The following ELOVL2 variants were observed in gnomAD, a reference collection of about 807,000 sequenced individuals.
The protein encoded by ELOVL2 is ELOVL fatty acid elongase 2, also known as very long chain fatty acid elongase 2.
Under a neutral mutation model 37.7 loss-of-function variants are expected in ELOVL2, and 38 were observed. The observed-to-expected ratio is 1.01, with a 90% confidence interval of 0.78 to 1.32. ELOVL2 has a LOEUF of 1.32. Among genes scored for constraint, ELOVL2 ranks in the 40% most tolerant of loss-of-function variants. The probability of loss-of-function intolerance (pLI) is 0.00; values close to 1 mark genes in which losing one functional copy is unlikely to be tolerated. For synonymous variants in ELOVL2, 115 were observed against 122.3 expected (o/e 0.94, Z 0.40); for missense variants, 352 against 363.6 (o/e 0.97, Z 0.26).
chr6:11,043,890 G>C (rs540486139), intron 1 of ELOVL2: 17 of 234,610 alleles, frequency 7.2e-5, no homozygotes, highest in Non-Finnish European at 1.1e-4. Context: ...AAGGAGGGGC[G>C]GCTTCCTCGG....
chr6:11,005,294 G>T, intron 3 of ELOVL2, 78 bp downstream of exon 3: 1 of 1,287,992 alleles, frequency 7.8e-7, no homozygotes, highest in Non-Finnish European at 1.1e-6. Context: ...GCATAGTTCT[G>T]CCAGGCTAGA....
chr6:11,017,053 ATTG>A (rs1342481691), intron 1 of ELOVL2, among the ~76,000 whole-genome samples: 1 of 152,124 alleles, frequency 6.6e-6, no homozygotes, highest in Admixed American at 6.5e-5. Flanking sequence ...GGAACTCTAA[ATTG>A]TTATTATGTA....
At chr6:11,003,385 A>G (rs1029046293) in intron 3 of ELOVL2, among the ~76,000 whole-genome samples, 8 of 152,100 alleles carry the variant, frequency 5.3e-5, no homozygotes, top group African/African-American at 1.9e-4. Context: ...ACTCCCACTT[A>G]TAAGTGAGAA....
intron 1 of ELOVL2, among the ~76,000 whole-genome samples, chr6:11,022,494 C>A (rs986839333): frequency 3.9e-5 from 6 of 152,194 alleles, no homozygotes; most frequent in African/African-American, 1.4e-4. Flanking sequence ...CTTGAAAAAA[C>A]TCTCTGGGTA....
chr6:10,997,783 G>A (rs1446566614), intron 4 of ELOVL2, among the ~76,000 whole-genome samples: 1 of 152,184 alleles, frequency 6.6e-6, no homozygotes, highest in Non-Finnish European at 1.5e-5. Flanking sequence ...ATTTCCGGCT[G>A]TTCCACTGAT....
intron 7 of ELOVL2, among the ~76,000 whole-genome samples, chr6:10,988,098 T>G (rs144625458): frequency 2.3e-3 from 350 of 152,352 alleles, no homozygotes; most frequent in African/African-American, 7.8e-3. Flanking sequence ...TATTGGGAAG[T>G]TGGGGGCAGG....
intron 1 of ELOVL2, among the ~76,000 whole-genome samples, chr6:11,029,297 G>A (rs1203550285): frequency 6.7e-6 from 1 of 148,982 alleles, no homozygotes; most frequent in Non-Finnish European, 1.5e-5. Flanking sequence ...GGAGTTTTAC[G>A]CAGGTTCTAG....
chr6:11,033,752 T>C (rs900598506), intron 1 of ELOVL2, among the ~76,000 whole-genome samples: 8 of 152,188 alleles, frequency 5.3e-5, no homozygotes, highest in African/African-American at 1.9e-4. Flanking sequence ...TTTATCACTT[T>C]TTTTATCCTC....
chr6:10,985,097 T>C (rs2093777), intron 7 of ELOVL2, among the ~76,000 whole-genome samples: 73,332 of 151,922 alleles, frequency 0.48, 18,084 homozygotes, highest in East Asian at 0.71. Flanking sequence ...TTTGGATTTG[T>C]ATTTCTCTGA....
chr6:11,021,044 G>A (rs1239608204), intron 1 of ELOVL2, among the ~76,000 whole-genome samples: 1 of 152,160 alleles, frequency 6.6e-6, no homozygotes, highest in Non-Finnish European at 1.5e-5. Flanking sequence ...CTTAAAATCT[G>A]AAAAACTTTA....
intron 1 of ELOVL2, among the ~76,000 whole-genome samples, chr6:11,040,797 C>CACTGTTTTA (rs1783088265): frequency 6.6e-6 from 1 of 152,040 alleles, no homozygotes; most frequent in African/African-American, 2.4e-5. Flanking sequence ...TTGTTCCTCC[C>CACTGTTTTA]GAAAACCTTA....
intron 1 of ELOVL2, among the ~76,000 whole-genome samples, chr6:11,027,938 G>C (rs1175656049): frequency 6.6e-6 from 1 of 152,092 alleles, no homozygotes; most frequent in East Asian, 1.9e-4. Context: ...TCTTTCAATA[G>C]AGCCCTCAGA....
chr6:11,027,087 G>A (rs1266688066), intron 1 of ELOVL2, among the ~76,000 whole-genome samples: 1 of 152,114 alleles, frequency 6.6e-6, no homozygotes, highest in South Asian at 2.1e-4. Context: ...TGACCAACAA[G>A]AGATTTATAT....
chr6:11,028,233 G>T (rs897867225), intron 1 of ELOVL2, among the ~76,000 whole-genome samples: 2 of 152,176 alleles, frequency 1.3e-5, no homozygotes, highest in African/African-American at 4.8e-5. Flanking sequence ...TCTAGCTTTA[G>T]ATCTGGATAT....
chr6:11,010,851 C>CT (rs779779300), intron 1 of ELOVL2, 42 bp from the exon 2 acceptor site: 2 of 1,509,402 alleles, frequency 1.3e-6, no homozygotes, highest in Admixed American at 1.9e-5. Flanking sequence ...TTTTTTTCTT[C>CT]TTTTTTTGAA....
At chr6:11,029,407 G>A (rs1036714044) in intron 1 of ELOVL2, among the ~76,000 whole-genome samples, 1 of 152,106 alleles carries the variant, frequency 6.6e-6, no homozygotes, top group Middle Eastern at 3.4e-3. Context: ...TCCTAACTTC[G>A]CAGTGTGGTT....
intron 1 of ELOVL2, among the ~76,000 whole-genome samples, chr6:11,013,776 T>C (rs557867774): frequency 7.9e-5 from 12 of 151,146 alleles, no homozygotes; most frequent in Non-Finnish European, 4.4e-5. Context: ...GGGAACAGTA[T>C]AGCCCTTAGA....
chr6:11,040,487 C>T (rs933997277), intron 1 of ELOVL2, among the ~76,000 whole-genome samples: 1 of 151,986 alleles, frequency 6.6e-6, no homozygotes, highest in Non-Finnish European at 1.5e-5. Flanking sequence ...GCATTGATTA[C>T]ATGTTGAAAT....
In ELOVL2 at chr6:10,990,356, A is replaced by T; in HGVS notation, c.592T>A (p.Tyr198Asn). The change falls in exon 6 of 8, where the codon TAT (tyrosine) becomes AAT (asparagine). Residue 198 changes from tyrosine (Y) to asparagine (N), a missense_variant. By Grantham distance (143) the Tyr-to-Asn change is moderately radical. Coordinates refer to ENST00000354666, the MANE Select transcript of ELOVL2 (RefSeq NM_017770.4). The stretch of plus-strand genomic sequence containing the variant: ...GTGAGATATTTCTTCCACCAAAGAT[A>T]CTTGTGCATAGATGGAAACACAGAA... ...GLSVFPSMHK[Y>N]LWWKKYLTQA... The T allele has an allele frequency of 6.2e-7, 1 of 1,613,134 alleles. No homozygotes were observed. Among genetic ancestry groups the T allele is most frequent in the Non-Finnish European group, 8.5e-7 (1 of 1,179,678 alleles).
Sources: allele counts gnomAD v4.1 joint callset (sites outside exome capture counted in the v4.1 genomes callset), GRCh38; gene constraint gnomAD v4.1.1; transcripts MANE v1.5; gene names NCBI Gene and HGNC (gene_info 2026-07-23, HGNC 2026-07-21).